The following FSTL5 variants were observed in gnomAD, a reference collection of about 807,000 sequenced individuals.
FSTL5 encodes follistatin-related protein 5.
FSTL5 carries 62 observed loss-of-function variants against 89.1 expected under a neutral mutation model. That is an observed-to-expected ratio of 0.70 (90% CI 0.57 to 0.86). The LOEUF is 0.86. Ranked by LOEUF, FSTL5 falls within the 40% of genes least tolerant of loss-of-function variation. FSTL5 has a pLI of 0.00. For synonymous variants in FSTL5, 383 were observed against 346.2 expected, an observed-to-expected ratio of 1.11 and a Z score of -1.18; for missense variants, 1,057 against 1,001.6, an observed-to-expected ratio of 1.06 and a Z score of -0.75.
chr4:161,537,982 C>CT (rs1200656138), intron 10 of FSTL5, among the ~76,000 whole-genome samples, 184 bp downstream of exon 10: 5 of 152,104 alleles, frequency 3.3e-5, no homozygotes, highest in African/African-American at 1.2e-4. Context: ...AATTTCACAA[C>CT]TTTTTTTCAT....
chr4:161,917,705 G>A (rs1475480330), intron 4 of FSTL5, among the ~76,000 whole-genome samples: 4 of 152,108 alleles, frequency 2.6e-5, no homozygotes, highest in Non-Finnish European at 5.9e-5. Context: ...AAATTTTAAA[G>A]TACCAATAAA....
At chr4:161,609,173 G>C (rs540228516) in intron 7 of FSTL5, among the ~76,000 whole-genome samples, 1 of 152,204 alleles carries the variant, frequency 6.6e-6, no homozygotes, top group South Asian at 2.1e-4. Context: ...CACATACACA[G>C]TGTTCAATGG....
At chr4:161,464,848 T>A (rs1733698538) in intron 13 of FSTL5, among the ~76,000 whole-genome samples, 1 of 152,148 alleles carries the variant, frequency 6.6e-6, no homozygotes, top group Admixed American at 6.5e-5. Context: ...TATTATTTTA[T>A]TTAACAAAAA....
intron 3 of FSTL5, among the ~76,000 whole-genome samples, chr4:161,931,746 G>A (rs940237214): frequency 1.3e-5 from 2 of 151,956 alleles, no homozygotes; most frequent in African/African-American, 4.8e-5. Context: ...GATTAAAAGT[G>A]CATGTTTTCA....
At chr4:161,391,269 C>A (rs569166562) in intron 15 of FSTL5, among the ~76,000 whole-genome samples, 1 of 152,268 alleles carries the variant, frequency 6.6e-6, no homozygotes, top group East Asian at 1.9e-4. Flanking sequence ...ATCCAAAACA[C>A]ATGATTAAGT....
chr4:161,566,222 G>C (rs185607998), intron 8 of FSTL5, among the ~76,000 whole-genome samples: 2 of 145,452 alleles, frequency 1.4e-5, no homozygotes, highest in Admixed American at 7.1e-5. Context: ...AATTTGGATG[G>C]AACTGTAAGC....
At chr4:162,107,313 A>AT (rs1451357905) in intron 2 of FSTL5, among the ~76,000 whole-genome samples, 2 of 152,208 alleles carry the variant, frequency 1.3e-5, no homozygotes, top group Non-Finnish European at 2.9e-5. Context: ...CACTTATGCC[A>AT]TGAGAATATT....
At chr4:162,023,464 T>C (rs1459457203) in intron 3 of FSTL5, among the ~76,000 whole-genome samples, 1 of 152,176 alleles carries the variant, frequency 6.6e-6, no homozygotes, top group African/African-American at 2.4e-5. Context: ...TTGTACCTCC[T>C]GGTTGTCACT....
chr4:161,836,661 G>C (rs575643454), intron 4 of FSTL5, among the ~76,000 whole-genome samples: 107 of 151,730 alleles, frequency 7.1e-4, no homozygotes, highest in African/African-American at 2.5e-3. Context: ...ATCCAAATTT[G>C]GATATTAGAA....
intron 3 of FSTL5, among the ~76,000 whole-genome samples, chr4:161,922,241 T>A (rs1451780607): frequency 6.6e-6 from 1 of 151,862 alleles, no homozygotes; most frequent in Non-Finnish European, 1.5e-5. Flanking sequence ...TTAAAACAAA[T>A]AGGTGGAAAA....
intron 7 of FSTL5, among the ~76,000 whole-genome samples, chr4:161,637,540 T>G (rs1487477443): frequency 6.6e-6 from 1 of 151,394 alleles, no homozygotes; most frequent in Non-Finnish European, 1.5e-5. Flanking sequence ...TCCTTGCCCA[T>G]GCCTATCTCC....
intron 10 of FSTL5, among the ~76,000 whole-genome samples, chr4:161,515,532 A>T (rs1005073207): frequency 6.6e-6 from 1 of 151,478 alleles, no homozygotes; most frequent in African/African-American, 2.4e-5. Flanking sequence ...TCTGATTTTC[A>T]TATAAATGCC....
At chr4:161,870,735 G>A (rs1174244144) in intron 4 of FSTL5, among the ~76,000 whole-genome samples, 1 of 152,032 alleles carries the variant, frequency 6.6e-6, no homozygotes, top group Non-Finnish European at 1.5e-5. Flanking sequence ...GCTAAGTGTT[G>A]GATGCATTAC....
intron 1 of FSTL5, among the ~76,000 whole-genome samples, chr4:162,116,166 G>A (rs1172125043): frequency 6.6e-6 from 1 of 152,194 alleles, no homozygotes; most frequent in Non-Finnish European, 1.5e-5. Flanking sequence ...CAAAGTAAGA[G>A]TATGCAAAGA....
At chr4:162,015,055 G>A (rs922591262) in intron 3 of FSTL5, among the ~76,000 whole-genome samples, 1 of 152,090 alleles carries the variant, frequency 6.6e-6, no homozygotes, top group African/African-American at 2.4e-5. Context: ...TCAATGGCTG[G>A]ATAAATTTAG....
chr4:161,538,845 C>A (rs1346653652), intron 9 of FSTL5, among the ~76,000 whole-genome samples: 1 of 152,042 alleles, frequency 6.6e-6, no homozygotes, highest in Non-Finnish European at 1.5e-5. Flanking sequence ...CTCACTGTAA[C>A]CTCCGCCTCC....
At chr4:161,457,224 A>G (rs984749056) in intron 14 of FSTL5, among the ~76,000 whole-genome samples, 1 of 152,234 alleles carries the variant, frequency 6.6e-6, no homozygotes, top group Non-Finnish European at 1.5e-5. Flanking sequence ...CTATATTCAT[A>G]TAACATACAC....
intron 3 of FSTL5, among the ~76,000 whole-genome samples, chr4:161,953,938 C>G (rs1287495477): frequency 6.6e-6 from 1 of 151,470 alleles, no homozygotes; most frequent in East Asian, 1.9e-4. Flanking sequence ...TGTAAAGACA[C>G]AAATGCAAAT....
chr4:162,012,267 T>C (rs932338051), intron 3 of FSTL5, among the ~76,000 whole-genome samples: 16 of 152,136 alleles, frequency 1.1e-4, no homozygotes, highest in African/African-American at 3.6e-4. Flanking sequence ...GGAAAAAATA[T>C]AGTTTATTTT....
Sources: allele counts gnomAD v4.1 joint callset (sites outside exome capture counted in the v4.1 genomes callset), GRCh38; gene constraint gnomAD v4.1.1; transcripts MANE v1.5; gene names NCBI Gene and HGNC (gene_info 2026-07-23, HGNC 2026-07-21).